The following LRRC74A variants were observed in gnomAD, a reference collection of about 807,000 sequenced individuals.
LRRC74A encodes leucine-rich repeat-containing protein 74A.
Under a neutral mutation model 57.9 loss-of-function variants are expected in LRRC74A, and 44 were observed. That is an observed-to-expected ratio of 0.76 (90% CI 0.60 to 0.98). LRRC74A has a LOEUF of 0.98. LRRC74A is among the 50% of genes least tolerant of loss of function. The probability of loss-of-function intolerance (pLI) is 0.00; values close to 1 mark genes in which losing one functional copy is unlikely to be tolerated. For missense variants in LRRC74A, 572 were observed against 574.0 expected, an observed-to-expected ratio of 1.00 and a Z score of 0.04; for synonymous variants, 211 against 219.4, an observed-to-expected ratio of 0.96 and a Z score of 0.34.
chr14:76,869,491 G>A (rs376759538), intron 13 of LRRC74A, among the ~76,000 whole-genome samples: 5,916 of 152,082 alleles, frequency 0.039, 259 homozygotes, highest in Admixed American at 0.099. Context: ...CGGTGCTCAC[G>A]CCTGTAATCC....
chr14:76,829,528 G>A (rs1183180242), intron 2 of LRRC74A, among the ~76,000 whole-genome samples: 33 of 152,144 alleles, frequency 2.2e-4, no homozygotes, highest in Admixed American at 2.2e-3. Flanking sequence ...TTGGCCAAAG[G>A]GTCCTGTTTC....
intron 7 of LRRC74A, among the ~76,000 whole-genome samples, chr14:76,847,150 C>T (rs912042339): frequency 6.6e-6 from 1 of 152,070 alleles, no homozygotes; most frequent in East Asian, 1.9e-4. Context: ...GGAAGAAGAT[C>T]GACAGTTGCA....
intron 13 of LRRC74A, 143 bp downstream of exon 13, chr14:76,867,581 C>T: frequency 1.7e-6 from 1 of 582,914 alleles, no homozygotes. Context: ...AGTCTGGGCC[C>T]CACTGTCTAC....
rs1178451172 is a variant in LRRC74A, at chr14:76,860,768, T to C, written c.1129T>C (p.Phe377Leu). Residue 377 changes from phenylalanine (F) to leucine (L), a missense_variant, in exon 11 of 14, where the codon TTC (phenylalanine) becomes CTC (leucine). Phe to Leu is a conservative substitution (Grantham distance 22, BLOSUM62 0). Coordinates refer to ENST00000689127, the MANE Select transcript of LRRC74A (RefSeq NM_001385106.1). Reference protein sequence around the residue: ...YAVHPQLDVVFKAVQGLSPKK... With the variant: ...YAVHPQLDVVLKAVQGLSPKK... ...CGTTCACCCGCAGCTGGACGTGGTA[T>C]TCAAGGCAGTACAAGGCCTCTCTCC... is the stretch of plus-strand genomic sequence containing the variant. 1 of 1,611,424 alleles carries C rather than the reference T, an allele frequency of 6.2e-7. No individual in the cohort carries two copies. Among genetic ancestry groups the C allele is most frequent in the Non-Finnish European group, 8.5e-7 (1 of 1,178,008 alleles).
At chr14:76,863,178 G>A (rs1898454842) in intron 11 of LRRC74A, among the ~76,000 whole-genome samples, 1 of 115,922 alleles carries the variant, frequency 8.6e-6, no homozygotes, top group South Asian at 3.4e-4. Flanking sequence ...TGTATTGCAT[G>A]CATGTGAGTG....
intron 1 of LRRC74A, among the ~76,000 whole-genome samples, 175 bp from the exon 2 acceptor site, chr14:76,828,116 A>G (rs1895709660): frequency 6.6e-6 from 1 of 150,966 alleles, no homozygotes; most frequent in South Asian, 2.1e-4. Flanking sequence ...AGCCGGAGGC[A>G]GCGCTATTGG....
chr14:76,866,497 G>A (rs575820214), intron 12 of LRRC74A, among the ~76,000 whole-genome samples: 1 of 152,242 alleles, frequency 6.6e-6, no homozygotes, highest in South Asian at 2.1e-4. Context: ...GGTACTGAAA[G>A]CCCCCTGTAA....
intron 10 of LRRC74A, among the ~76,000 whole-genome samples, chr14:76,857,899 G>A (rs147940867): frequency 6.6e-6 from 1 of 152,224 alleles, no homozygotes; most frequent in Non-Finnish European, 1.5e-5. Flanking sequence ...TCATGAGTTG[G>A]CCTGTTAGAC....
chr14:76,869,532 C>A (rs996034227), intron 13 of LRRC74A, among the ~76,000 whole-genome samples: 5 of 152,084 alleles, frequency 3.3e-5, no homozygotes, highest in Non-Finnish European at 5.9e-5. Context: ...GCTGGTGGAG[C>A]ACGAGGTCAG....
chr14:76,857,308 T>C (rs1233900243), intron 9 of LRRC74A, 72 bp from the exon 10 acceptor site: 16 of 871,852 alleles, frequency 1.8e-5, no homozygotes, highest in Non-Finnish European at 3.0e-5. Context: ...TTTGATGAGA[T>C]GTAGAAACTG....
chr14:76,829,158 G>A (rs758989870), intron 2 of LRRC74A: 1 of 1,289,416 alleles, frequency 7.8e-7, no homozygotes, highest in East Asian at 5.5e-5. Context: ...GGTTCCATCT[G>A]ACAGGGTCAG....
At chr14:76,864,523 GA>G (rs201435729) in intron 11 of LRRC74A, among the ~76,000 whole-genome samples, 5 of 150,096 alleles carry the variant, frequency 3.3e-5, no homozygotes, top group African/African-American at 7.3e-5. Flanking sequence ...GCGGGGAAGA[GA>G]AAAAAAAATA....
intron 11 of LRRC74A, among the ~76,000 whole-genome samples, chr14:76,862,536 CAAA>C (rs67527511): frequency 6.8e-5 from 10 of 146,026 alleles, no homozygotes; most frequent in Non-Finnish European, 7.5e-5. Context: ...GACTCTGTCT[CAAA>C]AAAAAAAAAA....
At chr14:76,852,768 G>C (rs573857505) in intron 8 of LRRC74A, among the ~76,000 whole-genome samples, 1 of 151,812 alleles carries the variant, frequency 6.6e-6, no homozygotes, top group Non-Finnish European at 1.5e-5. Flanking sequence ...ACAGGTGCCC[G>C]CCACCATGCC....
intron 7 of LRRC74A, among the ~76,000 whole-genome samples, chr14:76,850,844 C>CAAAAAAAAA (rs36208311): frequency 7.6e-6 from 1 of 130,846 alleles, no homozygotes. Context: ...AACTCTGTCT[C>CAAAAAAAAA]AAAAAAAAAA....
chr14:76,860,428 T>C (rs35032534), intron 10 of LRRC74A, among the ~76,000 whole-genome samples: 3,902 of 152,250 alleles, frequency 0.026, 172 homozygotes, highest in African/African-American at 0.089. Flanking sequence ...CAGATGCCAT[T>C]TGAGAGTGGA....
Position 76,867,431 on chromosome 14 carries a change from A to G in LRRC74A, c.1384A>G (p.Asn462Asp). The G allele has an allele frequency of 1.3e-6, 2 of 1,584,732 alleles. No individual in the cohort carries two copies. Among genetic ancestry groups the G allele is most frequent in the Non-Finnish European group, 1.7e-6 (2 of 1,154,452 alleles). ...KKLDEKTGMV[N>D]FSFLNTMKP is the part of the protein sequence containing the mutation. The stretch of plus-strand genomic sequence containing the variant: ...GCTCGATGAGAAGACAGGCATGGTG[A>G]ACTTCAGGTCAGCCCAGGCCCCGCG... The change falls in exon 13 of 14, where the codon AAC becomes GAC. Residue 462 changes from asparagine to aspartate, a missense_variant. Coordinates refer to ENST00000689127, the MANE Select transcript of LRRC74A (RefSeq NM_001385106.1).
At chr14:76,869,070 TGCC>T (rs1448075749) in intron 13 of LRRC74A, among the ~76,000 whole-genome samples, 1 of 11,820 alleles carries the variant, frequency 8.5e-5, no homozygotes. Flanking sequence ...CCTGTCCCTG[TGCC>T]TCCTCACCTG....
At chr14:76,844,745 A>G (rs1595365757) in intron 6 of LRRC74A, 75 bp from the exon 7 acceptor site, 1 of 849,436 alleles carries the variant, frequency 1.2e-6, no homozygotes, top group East Asian at 2.6e-5. Flanking sequence ...CCACCATCAT[A>G]CTGCCCTGAG....
Sources: gnomAD v4.1 joint callset for allele counts (sites outside exome capture counted in the v4.1 genomes callset) on GRCh38, gnomAD v4.1.1 for gene constraint, MANE v1.5 for transcripts, NCBI Gene and HGNC (gene_info 2026-07-23, HGNC 2026-07-21) for gene names.